C7orf78: variants seen among roughly 807,000 people sequenced by gnomAD.
The protein encoded by C7orf78 is chromosome 7 open reading frame 78.
At chr7:12,507,351 A>G in the C7orf78 span, 2 of 160,788 alleles carry the variant, frequency 1.2e-5, no homozygotes, top group Non-Finnish European at 2.7e-5. Flanking sequence ...GATACAAGCC[A>G]GTAATTAACC....
At chr7:12,507,363 C>A in the C7orf78 span, 1 of 157,644 alleles carries the variant, frequency 6.3e-6, no homozygotes, top group Non-Finnish European at 1.4e-5. Flanking sequence ...TAATTAACCA[C>A]AACACAATGG....
chr7:12,504,010 A>G, the C7orf78 span, among the ~76,000 whole-genome samples: 5 of 152,320 alleles, frequency 3.3e-5, no homozygotes, highest in African/African-American at 1.2e-4. Flanking sequence ...ATTAGAAAGA[A>G]CTTGTAATCT....
the C7orf78 span, among the ~76,000 whole-genome samples, chr7:12,499,934 A>G: frequency 1.6e-5 from 2 of 127,742 alleles, no homozygotes; most frequent in South Asian, 6.5e-4. Context: ...TCTCACTCAA[A>G]ACCGCTCATC....
At chr7:12,514,379 C>CT in the C7orf78 span, among the ~76,000 whole-genome samples, 99 of 150,536 alleles carry the variant, frequency 6.6e-4, 1 homozygote, top group African/African-American at 2.2e-3. Context: ...CTCTTCTTTG[C>CT]TTTTTTTTTA....
the C7orf78 span, among the ~76,000 whole-genome samples, chr7:12,510,235 C>T: frequency 6.6e-6 from 1 of 152,008 alleles, no homozygotes; most frequent in East Asian, 1.9e-4. Flanking sequence ...GATCACGATC[C>T]AGCAGTGGCA....
chr7:12,517,779 C>G, the C7orf78 span, among the ~76,000 whole-genome samples: 1 of 152,022 alleles, frequency 6.6e-6, no homozygotes, highest in Admixed American at 6.6e-5. Context: ...CATTCATATC[C>G]TGAATTATTT....
the C7orf78 span, among the ~76,000 whole-genome samples, chr7:12,527,726 G>A: frequency 1.6e-3 from 190 of 120,448 alleles, no homozygotes; most frequent in South Asian, 2.8e-3. Flanking sequence ...AATGGAACAT[G>A]TCTACTTTCC....
chr7:12,508,087 A>G, the C7orf78 span, among the ~76,000 whole-genome samples: 1 of 152,230 alleles, frequency 6.6e-6, no homozygotes, highest in Non-Finnish European at 1.5e-5. Flanking sequence ...TATGACAACT[A>G]TTAAAAGATA....
chr7:12,486,318 A>T, the C7orf78 span, among the ~76,000 whole-genome samples: 13,581 of 152,006 alleles, frequency 0.089, 809 homozygotes, highest in Non-Finnish European at 0.13. Flanking sequence ...AGTTCATATG[A>T]GTCCTGTAAG....
chr7:12,500,499 T>C, the C7orf78 span, among the ~76,000 whole-genome samples: 10 of 149,530 alleles, frequency 6.7e-5, no homozygotes, highest in Non-Finnish European at 1.3e-4. Flanking sequence ...ATAAATTCCT[T>C]GACACATACA....
chr7:12,493,230 G>A, the C7orf78 span, among the ~76,000 whole-genome samples: 1 of 152,108 alleles, frequency 6.6e-6, no homozygotes, highest in African/African-American at 2.4e-5. Context: ...AATCCTTATT[G>A]GCTTTTGAAG....
the C7orf78 span, among the ~76,000 whole-genome samples, chr7:12,515,287 A>G: frequency 1.3e-5 from 2 of 152,196 alleles, no homozygotes; most frequent in African/African-American, 4.8e-5. Flanking sequence ...CTCACGAGAT[A>G]TGATGGTTTT....
At chr7:12,510,987 C>T in the C7orf78 span, among the ~76,000 whole-genome samples, 1 of 152,116 alleles carries the variant, frequency 6.6e-6, no homozygotes, top group South Asian at 2.1e-4. Flanking sequence ...AGGAGCTTTC[C>T]CTGTGTTTTT....
chr7:12,500,485 A>G, the C7orf78 span, among the ~76,000 whole-genome samples: 1 of 150,516 alleles, frequency 6.6e-6, no homozygotes, highest in Non-Finnish European at 1.5e-5. Context: ...TCTAGAAGAA[A>G]TGGATAAATT....
chr7:12,535,022 A>AAG, the C7orf78 span, among the ~76,000 whole-genome samples: 1 of 71,848 alleles, frequency 1.4e-5, no homozygotes, highest in African/African-American at 4.8e-5. Flanking sequence ...AAGGAAGGAA[A>AAG]CAGATTTCAT....
chr7:12,505,073 T>C, the C7orf78 span, among the ~76,000 whole-genome samples: 1 of 152,086 alleles, frequency 6.6e-6, no homozygotes, highest in Non-Finnish European at 1.5e-5. Flanking sequence ...TTAGTGACTT[T>C]CCTGGAGAAA....
At chr7:12,513,644 G>C in the C7orf78 span, among the ~76,000 whole-genome samples, 1 of 152,064 alleles carries the variant, frequency 6.6e-6, no homozygotes. Context: ...AATTTGTTAT[G>C]ACATCTTTTG....
chr7:12,521,961 A>G, the C7orf78 span, among the ~76,000 whole-genome samples: 3 of 152,034 alleles, frequency 2.0e-5, no homozygotes, highest in African/African-American at 7.2e-5. Flanking sequence ...ATAAAATAAA[A>G]ATATTTATAA....
the C7orf78 span, among the ~76,000 whole-genome samples, chr7:12,514,739 G>A: frequency 6.6e-6 from 1 of 152,096 alleles, no homozygotes; most frequent in Admixed American, 6.5e-5. Context: ...ACTTACTTAT[G>A]TTTTCATGAT....
Sources: allele counts gnomAD v4.1 joint callset (sites outside exome capture counted in the v4.1 genomes callset), GRCh38; gene constraint gnomAD v4.1.1; transcripts MANE v1.5; gene names NCBI Gene and HGNC (gene_info 2026-07-23, HGNC 2026-07-21).